The following TIAM2 variants were observed in gnomAD, a reference collection of about 807,000 sequenced individuals.
TIAM2 encodes the protein rho guanine nucleotide exchange factor TIAM2.
Under a neutral mutation model 152.9 loss-of-function variants are expected in TIAM2, and 80 were observed. The observed-to-expected ratio is 0.52, with a 90% CI of 0.44 to 0.63. TIAM2 has a LOEUF of 0.63. TIAM2 is among the 30% of genes least tolerant of loss of function. The probability of loss-of-function intolerance (pLI) is 0.00; values close to 1 mark genes in which losing one functional copy is unlikely to be tolerated. For synonymous variants in TIAM2, 804 were observed against 838.0 expected (o/e 0.96, Z 0.70); for missense variants, 1,965 against 2,120.1 (o/e 0.93, Z 1.44).
chr6:155,256,205 T>C lies in TIAM2; in HGVS notation c.4469-279T>C, dbSNP rs573399227. The C allele has an allele frequency of 4.3e-4, 245 of 566,770 alleles. 1 individual carries two copies. In the Middle Eastern group the frequency reaches 6.9e-3, roughly 16 times the overall value. The allele number at this position is 566,770 out of a possible 1,614,324, so 35.1% of individuals were successfully genotyped here. ...TTACTCCTTGGCAAAATAAGAATCT[T>C]AGCCCATGTAGTAGTTTCTAGTGTC... is the stretch of plus-strand genomic sequence containing the variant. On this transcript the variant is annotated intron_variant, in intron 26 of 26. Transcript: ENST00000682666.
intron 14 of TIAM2, among the ~76,000 whole-genome samples, chr6:155,188,482 G>A (rs1562347492): frequency 6.6e-6 from 1 of 152,208 alleles, no homozygotes; most frequent in East Asian, 1.9e-4. Context: ...AGTGGAGAGA[G>A]GAAATGTCCG....
At chr6:155,122,897 T>A (rs984472638) in intron 2 of TIAM2, among the ~76,000 whole-genome samples, 4 of 152,260 alleles carry the variant, frequency 2.6e-5, no homozygotes, top group East Asian at 1.9e-4. Flanking sequence ...TGTTGTTTTT[T>A]AAATTTTTTT....
chr6:155,167,743 C>T (rs1379147828), intron 9 of TIAM2, among the ~76,000 whole-genome samples: 1 of 152,050 alleles, frequency 6.6e-6, no homozygotes, highest in Non-Finnish European at 1.5e-5. Context: ...TCCATCTTCC[C>T]ACCTCAACCT....
At chr6:155,160,607 A>AAAAATGC (rs1253899500) in intron 7 of TIAM2, among the ~76,000 whole-genome samples, 1 of 152,122 alleles carries the variant, frequency 6.6e-6, no homozygotes, top group Non-Finnish European at 1.5e-5. Context: ...TCTCTACAAA[A>AAAAATGC]AAAATGCAAA....
rs28971511 is a variant in TIAM2, at chr6:155,027,826, A to T, written c.-209+32334A>T. ...TACTATATATAATATATGTACTGTG[A>T]TACATATATACTATATATAATATAT... On this transcript the variant is annotated intron_variant, in intron 1 of 26. Coordinates refer to ENST00000682666, the MANE Select transcript of TIAM2 (RefSeq NM_012454.4). Among the ~76,000 whole-genome samples the T allele has an allele frequency of 2.1e-3, 202 of 96,914 alleles. 3 individuals are homozygous for T. The East Asian group carries it at 0.04, about 19-fold the overall frequency. The allele number at this position is 96,914 out of a possible 152,430, so 63.6% of individuals were successfully genotyped here.
chr6:155,172,025 G>A (rs1027670404), intron 9 of TIAM2, among the ~76,000 whole-genome samples: 1 of 152,174 alleles, frequency 6.6e-6, no homozygotes, highest in African/African-American at 2.4e-5. Flanking sequence ...AGCATCTGCT[G>A]TGAGAACACA....
At chr6:155,036,377 C>G (rs1406766491) in intron 1 of TIAM2, among the ~76,000 whole-genome samples, 1 of 151,412 alleles carries the variant, frequency 6.6e-6, no homozygotes, top group Non-Finnish European at 1.5e-5. Context: ...ACCAAAAATA[C>G]AAAAAAATTA....
At position 155,250,570 on chromosome 6, in the gene TIAM2, A is replaced by C. The variant is rs1783594601; in HGVS notation, c.3952-343A>C. On this transcript the variant is annotated intron_variant, in intron 21 of 26. Coordinates refer to ENST00000682666, the MANE Select transcript of TIAM2 (RefSeq NM_012454.4). ...AATGGAGCTCAGAGGTGATGGATGT[A>C]CTAGATCCCAGGGGAAAGCTTACAA... is the stretch of plus-strand genomic sequence containing the variant. The C allele has an allele frequency of 2.6e-6, 4 of 1,536,016 alleles. No homozygotes were observed. In the Middle Eastern group the frequency reaches 6.7e-4, roughly 256 times the overall value.
chr6:155,236,065 C>CA (rs1245499743), intron 15 of TIAM2, among the ~76,000 whole-genome samples: 1 of 152,038 alleles, frequency 6.6e-6, no homozygotes, highest in Non-Finnish European at 1.5e-5. Flanking sequence ...GCTTGTGGTG[C>CA]AAATCCCAGT....
In TIAM2 at chr6:155,186,203, G is replaced by A. The variant is rs1000368661; in HGVS notation, c.3064+2703G>A. 2.6e-5 allele frequency among the ~76,000 whole-genome samples: 4 copies of A among 152,200 alleles called. No individual in the cohort carries two copies. Among genetic ancestry groups the A allele is most frequent in the Non-Finnish European group, 5.9e-5 (4 of 68,038 alleles). ...AGGGTGACAAGCATACAGGTTTTGA[G>A]TCAGACGTGGGTTCAGGTCCTGGGC... is the stretch of plus-strand genomic sequence containing the variant. On this transcript the variant is annotated intron_variant, in intron 14 of 26. Transcript: ENST00000682666. This position sits in a 1 kb window ranked among gnomAD's most constrained non-coding sequence, Gnocchi z 4.5.
At chr6:155,146,900 C>T (rs1313399025) in intron 6 of TIAM2, among the ~76,000 whole-genome samples, 1 of 151,346 alleles carries the variant, frequency 6.6e-6, no homozygotes, top group African/African-American at 2.4e-5. Flanking sequence ...GGATTATAGG[C>T]GTGAGCCACC....
At chr6:155,069,914 T>TC (rs917608075) in intron 1 of TIAM2, among the ~76,000 whole-genome samples, 3 of 141,336 alleles carry the variant, frequency 2.1e-5, no homozygotes, top group Non-Finnish European at 3.0e-5. Context: ...TTCTTTTCTT[T>TC]TTTTTTTTTT....
At chr6:155,197,661 C>A (rs931434936) in intron 14 of TIAM2, among the ~76,000 whole-genome samples, 2 of 152,006 alleles carry the variant, frequency 1.3e-5, no homozygotes, top group Non-Finnish European at 2.9e-5. Flanking sequence ...AGAAAACTTA[C>A]AATCATGGTG....
chr6:155,253,734 G>C (rs1783821369), intron 24 of TIAM2: 1 of 421,364 alleles, frequency 2.4e-6, no homozygotes, highest in Non-Finnish European at 4.2e-6. Context: ...GCTCCAGAGA[G>C]AGGGTGAAGG....
rs1434526195 is a variant in TIAM2, at chr6:155,256,755, G to A, written c.4740G>A (p.Lys1580=). The A allele has an allele frequency of 6.2e-7, 1 of 1,614,230 alleles. No homozygotes were observed. The highest frequency in any genetic ancestry group is 1.1e-5 in the South Asian group (1 of 91,086). The change falls in exon 27 of 27, where the codon AAG becomes AAA. Residue 1580 remains lysine (K), a synonymous_variant. Transcript: ENST00000682666. ...DEDDDHRQTV[K]QGSPTKDIEI... ...ATGATGACCACCGTCAGACTGTGAA[G>A]CAGGGCAGCCCTACTAAAGACATCG...
Position 155,052,764 on chromosome 6 carries a change from A to C in TIAM2, c.-208-37525A>C, listed in dbSNP as rs1777345213. On this transcript the variant is annotated intron_variant, in intron 1 of 26. Coordinates refer to ENST00000682666, the MANE Select transcript of TIAM2 (RefSeq NM_012454.4). ...TCTAAGCCTGGGGGACAAGAGCAAA[A>C]CTCCATCTCAAAAAAAAAAAAAAAA... Among the ~76,000 whole-genome samples the C allele has an allele frequency of 3.0e-5, 4 of 131,728 alleles. No individual in the cohort carries two copies. In the South Asian group the frequency reaches 1.0e-3, roughly 34 times the overall value. 86.4% of individuals were successfully genotyped at this position (131,728 alleles called of 152,430 possible).
Position 155,134,858 on chromosome 6 carries a change from G to A in TIAM2, c.1195-2319G>A, listed in dbSNP as rs375223106. ...GTAGCTGGGACTACAGGCATGTGCC[G>A]CCGCACCTGGCTAATTTTTCGTATT... On this transcript the variant is annotated intron_variant, in intron 4 of 26. Coordinates refer to ENST00000682666, the MANE Select transcript of TIAM2 (RefSeq NM_012454.4). 4.0e-5 allele frequency among the ~76,000 whole-genome samples: 6 copies of A among 151,862 alleles called. No individual in the cohort carries two copies. The East Asian group carries it at 1.2e-3, about 29-fold the overall frequency.
Position 155,130,056 on chromosome 6 carries a change from A to C in TIAM2, c.833A>C (p.His278Pro), listed in dbSNP as rs1417332938. The change falls in exon 4 of 27, where the codon CAT becomes CCT. Residue 278 changes from histidine (H) to proline (P), a missense_variant. By Grantham distance (77) the His-to-Pro change is moderately conservative. Coordinates refer to ENST00000682666, the MANE Select transcript of TIAM2 (RefSeq NM_012454.4). ...LAPGMPDPSL[H>P]ASFPPGDAKK... ...CCCGGCATGCCTGACCCCAGTCTCC[A>C]TGCCAGCTTCCCACCTGGCGATGCC... 6.2e-7 allele frequency: 1 copy of C among 1,613,940 alleles called. No homozygotes were observed. The highest frequency in any genetic ancestry group is 1.7e-5 in the Admixed American group (1 of 60,000).
intron 1 of TIAM2, among the ~76,000 whole-genome samples, chr6:155,080,625 A>G (rs1397224673): frequency 6.6e-6 from 1 of 151,870 alleles, no homozygotes; most frequent in Non-Finnish European, 1.5e-5. Context: ...TTTATAGTGG[A>G]GACGGGGTTT....
Sources: allele counts gnomAD v4.1 joint callset (sites outside exome capture counted in the v4.1 genomes callset), GRCh38; gene constraint gnomAD v4.1.1; non-coding constraint Gnocchi (gnomAD v3.1); transcripts MANE v1.5; gene names NCBI Gene and HGNC (gene_info 2026-07-23, HGNC 2026-07-21).